The following THRB variants were observed in gnomAD, a reference collection of about 807,000 sequenced individuals.
The protein encoded by THRB is nuclear receptor subfamily 1 group A member 2.
A neutral mutation model predicts 47.8 loss-of-function variants in THRB; 12 were observed. The ratio of observed to expected loss-of-function variants is 0.25; its 90% CI spans 0.16 to 0.41. The LOEUF (loss-of-function observed/expected upper bound fraction) is 0.41, where lower values mean the gene tolerates loss of function less well. THRB is among the 10% of genes least tolerant of loss of function. THRB has a pLI of 1.00. For missense variants in THRB, 348 were observed against 589.2 expected (o/e 0.59, Z 4.24); for synonymous variants, 218 against 212.2 (o/e 1.03, Z -0.24).
At chr3:24,199,763 G>C (rs970154899) in intron 4 of THRB, among the ~76,000 whole-genome samples, 8 of 152,156 alleles carry the variant, frequency 5.3e-5, no homozygotes, top group Non-Finnish European at 1.0e-4. Flanking sequence ...TTAATCTGAA[G>C]TGCAGCCTGA....
chr3:24,202,744 G>A (rs987953355), intron 4 of THRB, among the ~76,000 whole-genome samples: 2 of 152,230 alleles, frequency 1.3e-5, no homozygotes, highest in African/African-American at 2.4e-5. Flanking sequence ...TTGTGGAGGA[G>A]ATGCTGTGAT....
chr3:24,129,620 A>G (rs1195005995), intron 9 of THRB, among the ~76,000 whole-genome samples: 1 of 152,252 alleles, frequency 6.6e-6, no homozygotes, highest in African/African-American at 2.4e-5. Context: ...AGGGATTTGT[A>G]GGATCCTGGT....
At chr3:24,431,797 A>C (rs1410306825) in intron 1 of THRB, among the ~76,000 whole-genome samples, 1 of 152,154 alleles carries the variant, frequency 6.6e-6, no homozygotes, top group East Asian at 1.9e-4. Context: ...GCAGAGTATT[A>C]TACAGCAGTG....
intron 2 of THRB, among the ~76,000 whole-genome samples, chr3:24,320,132 C>T (rs909814815): frequency 3.3e-5 from 5 of 152,136 alleles, no homozygotes; most frequent in African/African-American, 1.2e-4. Flanking sequence ...TGCTAAAACC[C>T]TCCGAAGAGT....
intron 2 of THRB, among the ~76,000 whole-genome samples, chr3:24,309,044 G>A (rs968703256): frequency 1.8e-4 from 27 of 152,014 alleles, no homozygotes; most frequent in African/African-American, 5.1e-4. Flanking sequence ...TCTGGCTCCC[G>A]TTTTTTGGCC....
intron 2 of THRB, among the ~76,000 whole-genome samples, chr3:24,317,757 G>A (rs1211191031): frequency 6.6e-6 from 1 of 152,156 alleles, no homozygotes; most frequent in Non-Finnish European, 1.5e-5. Context: ...AAAAAGAGAT[G>A]GAAAGAAGTC....
intron 1 of THRB, among the ~76,000 whole-genome samples, chr3:24,428,691 G>A (rs2070033737): frequency 6.6e-6 from 1 of 150,404 alleles, no homozygotes; most frequent in South Asian, 2.1e-4. Flanking sequence ...GAGGCAAGAA[G>A]AACAGGAAAG....
rs1352381390 is a variant in THRB, at chr3:24,450,174, T to C, written c.-261+44478A>G. On this transcript the variant is annotated intron_variant, in intron 1 of 10. Transcript: ENST00000646209. ...CGTTTAATTATTTAAGAAAGAAAAC[T>C]TCCACAGGTATAATGTACAACTGTA... Among the ~76,000 whole-genome samples the C allele has an allele frequency of 2.0e-5, 3 of 152,182 alleles. No individual in the cohort carries two copies. In the East Asian group the frequency reaches 5.8e-4, roughly 29 times the overall value.
chr3:24,200,775 A>G (rs954613456), intron 4 of THRB, among the ~76,000 whole-genome samples: 2 of 152,224 alleles, frequency 1.3e-5, no homozygotes, highest in African/African-American at 4.8e-5. Flanking sequence ...CAGGAATAGA[A>G]GCACTGCCAC....
In THRB at chr3:24,357,378, A is replaced by AAAAAC. The variant is rs1560011027; in HGVS notation, c.-260-20008_-260-20007insGTTTT. On this transcript the variant is annotated intron_variant, in intron 1 of 10. Coordinates refer to ENST00000646209, the MANE Select transcript of THRB (RefSeq NM_001354712.2). ...AAAAAAAAAAAAAAAAAAAAAACAA[A>AAAAAC]AAACAAACAAACAAAAAAACACCAA... Among the ~76,000 whole-genome samples the AAAAAC allele has an allele frequency of 9.5e-4, 134 of 141,252 alleles. 1 individual carries two copies. Among genetic ancestry groups the AAAAAC allele is most frequent in the African/African-American group, 3.7e-3 (126 of 33,686 alleles). 92.7% of individuals were successfully genotyped at this position (141,252 alleles called of 152,430 possible).
chr3:24,471,992 C>A (rs1388285567), intron 1 of THRB, among the ~76,000 whole-genome samples: 1 of 152,164 alleles, frequency 6.6e-6, no homozygotes, highest in Non-Finnish European at 1.5e-5. Flanking sequence ...AACCTTCAGA[C>A]CAAAGGCATA....
At chr3:24,174,160 G>A (rs530482507) in intron 5 of THRB, among the ~76,000 whole-genome samples, 2 of 152,164 alleles carry the variant, frequency 1.3e-5, no homozygotes, top group African/African-American at 4.8e-5. Context: ...CATGCATTAG[G>A]TATTTGTCCT....
At chr3:24,482,483 GATTC>G (rs113661840) in intron 1 of THRB, among the ~76,000 whole-genome samples, 12,762 of 150,474 alleles carry the variant, frequency 0.085, 697 homozygotes, top group African/African-American at 0.15. Context: ...ACCACTTCCT[GATTC>G]ATTCATTCAT....
In THRB at chr3:24,118,725, T is replaced by A. The variant is rs964774423; in HGVS notation, c.*4159A>T. ...TTTGTCTTACATTGTGCTCCATAAT[T>A]TACATGAGTATTATCTGCATCCTGA... On this transcript the variant is annotated 3_prime_UTR_variant, in exon 11 of 11. Transcript: ENST00000646209. The A allele has an allele frequency of 1.2e-4, 19 of 152,680 alleles. No homozygotes were observed. The highest frequency in any genetic ancestry group is 4.6e-4 in the African/African-American group (19 of 41,464). The allele number at this position is 152,680 out of a possible 1,614,324, so 9.5% of individuals were successfully genotyped here. A position where few individuals can be genotyped will look rare whatever the true frequency, so the allele number is the denominator to read the frequency against.
intron 1 of THRB, among the ~76,000 whole-genome samples, chr3:24,379,763 C>T (rs985112778): frequency 6.6e-6 from 1 of 152,104 alleles, no homozygotes; most frequent in Non-Finnish European, 1.5e-5. Context: ...TAGATCCTCA[C>T]TACTACAACT....
At chr3:24,191,117 C>T (rs1559555888) in intron 4 of THRB, among the ~76,000 whole-genome samples, 1 of 151,554 alleles carries the variant, frequency 6.6e-6, no homozygotes, top group Non-Finnish European at 1.5e-5. Context: ...ACTTGAGGGT[C>T]TGGCCTACAG....
At chr3:24,394,638 T>C (rs2066814921) in intron 1 of THRB, among the ~76,000 whole-genome samples, 1 of 152,002 alleles carries the variant, frequency 6.6e-6, no homozygotes, top group Non-Finnish European at 1.5e-5. Context: ...CTTTCCTCAC[T>C]CAAACAGGCA....
chr3:24,214,961 C>T (rs2149909992), intron 4 of THRB, among the ~76,000 whole-genome samples: 1 of 152,354 alleles, frequency 6.6e-6, no homozygotes, highest in East Asian at 1.9e-4. Context: ...CCCATCAAAT[C>T]AATTTCAAAC....
rs558115868 is a variant in THRB, at chr3:24,456,174, A to T, written c.-261+38478T>A. On this transcript the variant is annotated intron_variant, in intron 1 of 10. Transcript: ENST00000646209. ...TGAGGCCTAATCTCTAAGAAAAAAA[A>T]TTTTTTAAAAATTAACTGGGTGTTC... Among the ~76,000 whole-genome samples the T allele has an allele frequency of 5.8e-4, 88 of 152,106 alleles. 1 individual carries two copies. The highest frequency in any genetic ancestry group is 6.2e-4 in the South Asian group (3 of 4,804).
Sources: allele counts gnomAD v4.1 joint callset (sites outside exome capture counted in the v4.1 genomes callset), GRCh38; gene constraint gnomAD v4.1.1; transcripts MANE v1.5; gene names NCBI Gene and HGNC (gene_info 2026-07-23, HGNC 2026-07-21).